The following FHIT variants were observed in gnomAD, a reference collection of about 807,000 sequenced individuals.
FHIT encodes bis(5'-adenosyl)-triphosphatase.
Under a neutral mutation model 17.9 loss-of-function variants are expected in FHIT, and 19 were observed. The observed-to-expected ratio is 1.06, with a 90% CI of 0.74 to 1.56. FHIT has a LOEUF of 1.56. FHIT is among the 40% of genes most tolerant of loss of function. The probability of loss-of-function intolerance (pLI) is 0.00; values close to 1 mark genes in which losing one functional copy is unlikely to be tolerated. For missense variants in FHIT, 248 were observed against 189.2 expected, an observed-to-expected ratio of 1.31 and a Z score of -1.82; for synonymous variants, 81 against 69.7, an observed-to-expected ratio of 1.16 and a Z score of -0.81.
intron 4 of FHIT, among the ~76,000 whole-genome samples, chr3:60,748,204 G>A (rs1358308822): frequency 6.6e-6 from 1 of 152,142 alleles, no homozygotes; most frequent in Non-Finnish European, 1.5e-5. Flanking sequence ...AAGGAAGTTT[G>A]CAGGCAAGGT....
At chr3:60,156,856 T>TC in intron 5 of FHIT, among the ~76,000 whole-genome samples, 1 of 152,186 alleles carries the variant, frequency 6.6e-6, no homozygotes, top group Non-Finnish European at 1.5e-5. Flanking sequence ...GACTCTGTCC[T>TC]CTTGGCAACA....
At chr3:59,985,957 G>A (rs1049427121) in intron 7 of FHIT, among the ~76,000 whole-genome samples, 3 of 151,342 alleles carry the variant, frequency 2.0e-5, no homozygotes, top group Admixed American at 6.6e-5. Flanking sequence ...CAGAGAGAGA[G>A]AAAAAAAAGA....
chr3:60,124,009 T>TATATATAG (rs1384962194), intron 5 of FHIT, among the ~76,000 whole-genome samples: 5 of 12,154 alleles, frequency 4.1e-4, no homozygotes, highest in African/African-American at 6.3e-4. Context: ...TATATATATA[T>TATATATAG]AGAGAGAGAG....
chr3:60,084,450 G>T (rs951219934), intron 5 of FHIT, among the ~76,000 whole-genome samples: 3 of 151,980 alleles, frequency 2.0e-5, no homozygotes, highest in African/African-American at 7.2e-5. Flanking sequence ...CAGACCCTAC[G>T]CTATGTGTGA....
chr3:60,665,872 C>T lies in FHIT; in HGVS notation c.-17-128893G>A, dbSNP rs369769515. 5.4e-4 allele frequency among the ~76,000 whole-genome samples: 82 copies of T among 152,052 alleles called. 2 individuals are homozygous for T. In the South Asian group the frequency reaches 0.016, roughly 30 times the overall value. ...CCTCTGTTTCTCTTTTCTTGCCTTC[C>T]TGTGTGTAACCTAAACATTTTTTAG... is the stretch of plus-strand genomic sequence containing the variant. On this transcript the variant is annotated intron_variant, in intron 4 of 9. Transcript: ENST00000492590.
At chr3:61,033,212 C>G (rs2033090766) in intron 3 of FHIT, among the ~76,000 whole-genome samples, 1 of 152,170 alleles carries the variant, frequency 6.6e-6, no homozygotes, top group Non-Finnish European at 1.5e-5. Flanking sequence ...CAAAATTAAC[C>G]ATCACTTGTG....
At chr3:60,107,617 T>C (rs1435816560) in intron 5 of FHIT, among the ~76,000 whole-genome samples, 2 of 152,196 alleles carry the variant, frequency 1.3e-5, no homozygotes, top group African/African-American at 2.4e-5. Flanking sequence ...TAAATATATA[T>C]ACATAAGTTT....
chr3:60,793,613 G>A (rs955974578), intron 4 of FHIT, among the ~76,000 whole-genome samples: 1 of 152,176 alleles, frequency 6.6e-6, no homozygotes, highest in Non-Finnish European at 1.5e-5. Flanking sequence ...AAACAAGCGG[G>A]GGTTTCTTAA....
At chr3:59,769,922 G>A (rs1156814017) in intron 8 of FHIT, among the ~76,000 whole-genome samples, 1 of 152,156 alleles carries the variant, frequency 6.6e-6, no homozygotes, top group East Asian at 1.9e-4. Context: ...TCAAACTGAG[G>A]AGAAATGACA....
At chr3:59,978,413 T>C (rs1418465215) in intron 7 of FHIT, among the ~76,000 whole-genome samples, 1 of 152,026 alleles carries the variant, frequency 6.6e-6, no homozygotes, top group Non-Finnish European at 1.5e-5. Context: ...TACTATGCTT[T>C]AGAGTCCCAA....
chr3:60,005,029 T>C (rs567247979), intron 7 of FHIT, among the ~76,000 whole-genome samples: 20 of 152,262 alleles, frequency 1.3e-4, no homozygotes, highest in African/African-American at 4.6e-4. Flanking sequence ...CCAGGGTTCA[T>C]GCACCTGGTA....
chr3:60,908,261 A>G (rs1329985472), intron 3 of FHIT, among the ~76,000 whole-genome samples: 1 of 152,210 alleles, frequency 6.6e-6, no homozygotes, highest in Non-Finnish European at 1.5e-5. Flanking sequence ...TAGTATGTTC[A>G]GTCATGAGTA....
intron 8 of FHIT, among the ~76,000 whole-genome samples, chr3:59,907,095 G>A (rs1704617993): frequency 6.6e-6 from 1 of 152,212 alleles, no homozygotes; most frequent in South Asian, 2.1e-4. Flanking sequence ...GGGAAACTGA[G>A]CCTCAGGCAG....
At chr3:59,998,678 T>C (rs3772508) in intron 7 of FHIT, among the ~76,000 whole-genome samples, 19,816 of 152,106 alleles carry the variant, frequency 0.13, 1,529 homozygotes, top group South Asian at 0.24. Flanking sequence ...AATCCAATTA[T>C]TCCAACACAG....
At chr3:61,128,894 A>T (rs746219834) in intron 2 of FHIT, among the ~76,000 whole-genome samples, 1 of 152,108 alleles carries the variant, frequency 6.6e-6, no homozygotes, top group African/African-American at 2.4e-5. Flanking sequence ...TGGCATACAT[A>T]AGCCTGGACC....
chr3:60,670,445 G>A (rs1235231356), intron 4 of FHIT, among the ~76,000 whole-genome samples: 1 of 152,118 alleles, frequency 6.6e-6, no homozygotes, highest in Non-Finnish European at 1.5e-5. Context: ...GTACAGTAGC[G>A]ACACAAATAT....
intron 2 of FHIT, among the ~76,000 whole-genome samples, chr3:61,092,510 T>C (rs1488484561): frequency 1.3e-5 from 2 of 151,960 alleles, no homozygotes; most frequent in South Asian, 4.1e-4. Context: ...AAAATATATA[T>C]ATATATATAC....
chr3:61,183,924 C>T (rs1283884250), intron 2 of FHIT, among the ~76,000 whole-genome samples: 1 of 151,924 alleles, frequency 6.6e-6, no homozygotes, highest in Non-Finnish European at 1.5e-5. Context: ...TCAAATGTAT[C>T]CTGGGTTGGT....
intron 8 of FHIT, among the ~76,000 whole-genome samples, chr3:59,815,055 A>C (rs1165808058): frequency 6.6e-6 from 1 of 152,190 alleles, no homozygotes; most frequent in African/African-American, 2.4e-5. Context: ...CACATGGATT[A>C]CATCACTTCA....
Sources: allele counts gnomAD v4.1 joint callset (sites outside exome capture counted in the v4.1 genomes callset), GRCh38; gene constraint gnomAD v4.1.1; transcripts MANE v1.5; gene names NCBI Gene and HGNC (gene_info 2026-07-23, HGNC 2026-07-21).